Variants in LAMP3 observed in about 807,000 individuals in gnomAD.
The protein encoded by LAMP3 is lysosome associated membrane protein 3, also known as lysosome-associated membrane glycoprotein 3.
In LAMP3, 26 loss-of-function variants were observed where a neutral mutation model predicts 34.8. The ratio of observed to expected loss-of-function variants is 0.75; its 90% CI spans 0.55 to 1.04. The LOEUF (loss-of-function observed/expected upper bound fraction) is 1.04. LAMP3 is among the 50% of genes least tolerant of loss of function. LAMP3 has a pLI of 0.00. For synonymous variants in LAMP3, 180 were observed against 201.9 expected (o/e 0.89, Z 0.92); for missense variants, 495 against 524.0 (o/e 0.94, Z 0.54).
At chr3:183,159,600 G>A (rs752347613) in intron 1 of LAMP3, among the ~76,000 whole-genome samples, 6 of 152,200 alleles carry the variant, frequency 3.9e-5, no homozygotes, top group Non-Finnish European at 8.8e-5. Context: ...GCCCCAGCAG[G>A]GTGCAGCAGA....
chr3:183,146,881 G>T (rs961879506), intron 3 of LAMP3, among the ~76,000 whole-genome samples: 3 of 151,742 alleles, frequency 2.0e-5, no homozygotes, highest in African/African-American at 7.3e-5. Context: ...TTTCTGGAAA[G>T]ATCTAGATTT....
At chr3:183,152,536 A>G (rs1402446461) in intron 2 of LAMP3, 33 bp from the exon 3 acceptor site, 2 of 1,574,234 alleles carry the variant, frequency 1.3e-6, no homozygotes, top group Admixed American at 3.7e-5. Context: ...GCTAAATGAG[A>G]TGTAGAGGAA....
intron 1 of LAMP3, among the ~76,000 whole-genome samples, chr3:183,161,363 A>G (rs942862690): frequency 1.3e-5 from 2 of 152,032 alleles, no homozygotes; most frequent in Admixed American, 6.6e-5. Context: ...TTGCCCTTGC[A>G]TTTGTCAATA....
In LAMP3 at chr3:183,125,806, C is replaced by A. The variant is rs1262595866; in HGVS notation, c.1118-1592G>T. Among the ~76,000 whole-genome samples, 3 of 152,096 alleles carry A rather than the reference C, an allele frequency of 2.0e-5. No individual in the cohort carries two copies. In the East Asian group the frequency reaches 5.8e-4, roughly 29 times the overall value. On this transcript the variant is annotated intron_variant, in intron 5 of 5. Transcript: ENST00000265598. ...CTTCAAGCCATCCTCCCACCTCATC[C>A]TCTTGGGACTAGGGGTGTGTGCTAC...
chr3:183,149,790 A>ACC (rs1720574623), intron 3 of LAMP3, among the ~76,000 whole-genome samples: 1 of 151,876 alleles, frequency 6.6e-6, no homozygotes, highest in Admixed American at 6.6e-5. Context: ...TGATGTGATT[A>ACC]TTACACATTG....
At chr3:183,146,712 G>C (rs1210728924) in intron 3 of LAMP3, among the ~76,000 whole-genome samples, 2 of 151,798 alleles carry the variant, frequency 1.3e-5, no homozygotes, top group African/African-American at 4.8e-5. Context: ...ATTTTTAGTA[G>C]AGACAGGGTC....
At chr3:183,145,851 T>C (rs1560310576) in intron 3 of LAMP3, among the ~76,000 whole-genome samples, 6 of 152,080 alleles carry the variant, frequency 3.9e-5, no homozygotes, top group Admixed American at 3.9e-4. Context: ...GAGCAAAACC[T>C]GGTCTCAAAA....
chr3:183,126,374 T>C (rs908823524), intron 5 of LAMP3, among the ~76,000 whole-genome samples: 1 of 152,142 alleles, frequency 6.6e-6, no homozygotes, highest in Non-Finnish European at 1.5e-5. Flanking sequence ...AGGGCAACTT[T>C]TACTCTCTCT....
Position 183,124,422 on chromosome 3 carries a change from GAAGATTAAATAACC to G in LAMP3, c.1118-222_1118-209del, listed in dbSNP as rs550211849. Among the ~76,000 whole-genome samples the G allele has an allele frequency of 4.1e-3, 623 of 152,326 alleles. 3 individuals carry two copies. The highest frequency in any genetic ancestry group is 6.7e-3 in the Non-Finnish European group (457 of 68,036). ...AAGCAAATAATATGTAAGACTGTCA[GAAGATTAAATAACC>G]ATATTTTCTTAGTAATTAACATTCA... On this transcript the variant is annotated intron_variant, in intron 5 of 5. Transcript: ENST00000265598.
intron 3 of LAMP3, among the ~76,000 whole-genome samples, chr3:183,143,505 GT>G (rs1720349157): frequency 6.6e-6 from 1 of 152,128 alleles, no homozygotes; most frequent in African/African-American, 2.4e-5. Context: ...GGGATATTTA[GT>G]TTTCTTAAGA....
At position 183,155,738 on chromosome 3, in the gene LAMP3, C is replaced by T. The variant is rs528259664; in HGVS notation, c.50-1347G>A. On this transcript the variant is annotated intron_variant, in intron 1 of 5. Transcript: ENST00000265598. ...AACTTTCCTAGTAGATTAAGAGCAC[C>T]GTGAAGGTGGAAACTGTGTGTACCA... 1.3e-4 allele frequency among the ~76,000 whole-genome samples: 20 copies of T among 152,286 alleles called. No individual in the cohort carries two copies. The South Asian group carries it at 2.1e-3, about 16-fold the overall frequency.
At chr3:183,154,869 TC>T (rs1720780134) in intron 1 of LAMP3, among the ~76,000 whole-genome samples, 1 of 152,168 alleles carries the variant, frequency 6.6e-6, no homozygotes, top group South Asian at 2.1e-4. Flanking sequence ...AATCATATAA[TC>T]CCAGGTTTGA....
At chr3:183,136,992 A>G (rs977379443) in intron 4 of LAMP3, among the ~76,000 whole-genome samples, 2 of 152,080 alleles carry the variant, frequency 1.3e-5, no homozygotes, top group Non-Finnish European at 2.9e-5. Context: ...TGGGACACAG[A>G]GCAAGAATGT....
chr3:183,146,507 C>T (rs1720444242), intron 3 of LAMP3, among the ~76,000 whole-genome samples: 2 of 151,632 alleles, frequency 1.3e-5, no homozygotes, highest in South Asian at 4.2e-4. Context: ...GTTTTTTGGC[C>T]AGCATGGTGC....
Position 183,135,823 on chromosome 3 carries a change from GA to G in LAMP3, c.1010del (p.Phe337SerfsTer4). On this transcript the variant is annotated frameshift_variant, in exon 5 of 6. Coordinates refer to ENST00000265598, the MANE Select transcript of LAMP3 (RefSeq NM_014398.4). LOFTEE classifies it high-confidence loss of function. ...GGAGGCTCTGTTCACTCACGCACTT[GA>G]AGGAATGCCCGACTGCTGTCTGGAA... ...VMFQTAVGHS[F>X]KCVSEQSLQL... 6.2e-7 allele frequency: 1 copy of G among 1,613,806 alleles called. No individual in the cohort carries two copies. Among genetic ancestry groups the G allele is most frequent in the Non-Finnish European group, 8.5e-7 (1 of 1,179,654 alleles).
chr3:183,159,375 A>G (rs773986698), intron 1 of LAMP3, among the ~76,000 whole-genome samples: 3 of 152,224 alleles, frequency 2.0e-5, no homozygotes, highest in Non-Finnish European at 2.9e-5. Flanking sequence ...AGGGGTCAGC[A>G]TGACGGGAAC....
intron 5 of LAMP3, among the ~76,000 whole-genome samples, chr3:183,125,097 G>T (rs1331094589): frequency 1.3e-5 from 2 of 152,256 alleles, no homozygotes; most frequent in South Asian, 2.1e-4. Context: ...GTAATTGATT[G>T]GGTCAGAGAC....
chr3:183,132,473 C>G, intron 5 of LAMP3: 1 of 983,904 alleles, frequency 1.0e-6, no homozygotes, highest in Non-Finnish European at 1.2e-6. Flanking sequence ...TTGTAAACGT[C>G]TTCCCCACAA....
chr3:183,152,990 C>A lies in LAMP3; in HGVS notation c.760-487G>T, dbSNP rs572372965. Among the ~76,000 whole-genome samples, 10 of 152,074 alleles carry A rather than the reference C, an allele frequency of 6.6e-5. No homozygotes were observed. The East Asian group carries it at 1.9e-3, about 30-fold the overall frequency. ...AGGAGTTCGAGACCAGCCTGGCCAA[C>A]TTAGTGAAACCCCGTCTCTACTAAA... is the stretch of plus-strand genomic sequence containing the variant. On this transcript the variant is annotated intron_variant, in intron 2 of 5. Transcript: ENST00000265598.
Sources: gnomAD v4.1 joint callset for allele counts (sites outside exome capture counted in the v4.1 genomes callset) on GRCh38, gnomAD v4.1.1 for gene constraint, MANE v1.5 for transcripts, NCBI Gene and HGNC (gene_info 2026-07-23, HGNC 2026-07-21) for gene names.